POC1B: variants seen among roughly 807,000 people sequenced by gnomAD.
POC1B encodes POC1 centriolar protein homolog B.
POC1B carries 44 observed loss-of-function variants against 60.6 expected under a neutral mutation model. That is an observed-to-expected ratio of 0.73 (90% CI 0.57 to 0.93). The LOEUF is 0.93. Ranked by LOEUF, POC1B falls within the 40% of genes least tolerant of loss-of-function variation. The pLI is 0.00. For synonymous variants in POC1B, 180 were observed against 198.9 expected (o/e 0.90, Z 0.80); for missense variants, 555 against 572.3 (o/e 0.97, Z 0.31).
At chr12:89,467,289 G>T (rs2120832533) in intron 8 of POC1B, among the ~76,000 whole-genome samples, 1 of 152,158 alleles carries the variant, frequency 6.6e-6, no homozygotes. Context: ...GTATATAAAT[G>T]ATTTATATTT....
downstream of POC1B, among the ~76,000 whole-genome samples, chr12:89,414,736 A>G (rs1422918396): frequency 6.6e-6 from 1 of 152,122 alleles, no homozygotes; most frequent in Non-Finnish European, 1.5e-5. Flanking sequence ...AGATTTGTCA[A>G]TAACCCTCAA....
intron 3 of POC1B, among the ~76,000 whole-genome samples, chr12:89,496,734 C>T (rs887039929): frequency 3.3e-5 from 5 of 151,894 alleles, no homozygotes; most frequent in African/African-American, 9.7e-5. Flanking sequence ...TTCTGGACCC[C>T]GATAATGAGT....
chr12:89,522,945 T>G lies in POC1B; in HGVS notation c.100+2175A>C. 3 of 1,614,106 alleles carry G rather than the reference T, an allele frequency of 1.9e-6. No individual in the cohort carries two copies. In the East Asian group the frequency reaches 6.7e-5, roughly 36 times the overall value. ...AGTGTGGGTGAAAAATAGTTCCATCTTCTTTAAAATGCCAAATAATGTTTG... is the reference window on the plus strand; with the variant it reads ...AGTGTGGGTGAAAAATAGTTCCATCGTCTTTAAAATGCCAAATAATGTTTG... On this transcript the variant is annotated intron_variant, in intron 2 of 11. Transcript: ENST00000313546.
At chr12:89,434,380 ACTGT>A (rs1881163742) in intron 10 of POC1B, among the ~76,000 whole-genome samples, 1 of 152,228 alleles carries the variant, frequency 6.6e-6, no homozygotes, top group Non-Finnish European at 1.5e-5. Flanking sequence ...CTACAAGTCT[ACTGT>A]CTGTCTTTGT....
chr12:89,445,810 G>A (rs1285273498), intron 10 of POC1B, among the ~76,000 whole-genome samples: 1 of 152,146 alleles, frequency 6.6e-6, no homozygotes, highest in African/African-American at 2.4e-5. Context: ...TACCATCAGA[G>A]TGAACAGGCA....
rs1235154560 is a variant in POC1B at position 89,471,515 on chromosome 12, G to C, written c.676+99C>G. 3 of 904,088 alleles carry C rather than the reference G, an allele frequency of 3.3e-6. No individual in the cohort carries two copies. The Admixed American group carries it at 6.5e-5, about 20-fold the overall frequency. The allele number at this position is 904,088 out of a possible 1,614,324, so 56.0% of individuals were successfully genotyped here. On this transcript the variant is annotated intron_variant, in intron 6 of 11. Coordinates refer to ENST00000313546, the MANE Select transcript of POC1B (RefSeq NM_172240.3). Reference sequence around the variant, plus strand: ...TCTAGCCTGTTCCAAGGCAGCCCATGACCCCAAGTAAGACAGCCAAACCAC... The same window carrying C: ...TCTAGCCTGTTCCAAGGCAGCCCATCACCCCAAGTAAGACAGCCAAACCAC...
At chr12:89,504,169 G>A (rs1419765507) in intron 2 of POC1B, among the ~76,000 whole-genome samples, 1 of 152,276 alleles carries the variant, frequency 6.6e-6, no homozygotes, top group African/African-American at 2.4e-5. Context: ...TAGAAAAGGG[G>A]GAAATGTGGG....
intron 2 of POC1B, chr12:89,524,844 T>C: frequency 1.6e-6 from 1 of 609,998 alleles, no homozygotes; most frequent in Non-Finnish European, 2.9e-6. Context: ...ACCCCTCCCC[T>C]TCCCACTCAC....
At chr12:89,402,309 T>A in the POC1B span, among the ~76,000 whole-genome samples, 1 of 151,014 alleles carries the variant, frequency 6.6e-6, no homozygotes, top group East Asian at 1.9e-4. Context: ...TTTAATTAAT[T>A]CCTATATGAC....
chr12:89,439,588 GTTTTA>G (rs1881425656), intron 10 of POC1B, among the ~76,000 whole-genome samples: 2 of 152,120 alleles, frequency 1.3e-5, no homozygotes, highest in Admixed American at 6.5e-5. Flanking sequence ...GAGTAGCAAA[GTTTTA>G]TTTTATTTTG....
chr12:89,437,622 CTTTA>C (rs1341017403), intron 10 of POC1B, among the ~76,000 whole-genome samples: 1 of 146,998 alleles, frequency 6.8e-6, no homozygotes, highest in Non-Finnish European at 1.5e-5. Flanking sequence ...CATATAGTTT[CTTTA>C]TTTAAACACT....
intron 1 of POC1B, 151 bp downstream of exon 1, chr12:89,525,730 G>A: frequency 7.8e-7 from 1 of 1,281,756 alleles, no homozygotes; most frequent in South Asian, 2.1e-5. Flanking sequence ...CAGAGAGTGA[G>A]ATACGGACGC....
At chr12:89,447,365 GA>G (rs1188240785) in intron 10 of POC1B, among the ~76,000 whole-genome samples, 1 of 152,018 alleles carries the variant, frequency 6.6e-6, no homozygotes, top group Non-Finnish European at 1.5e-5. Context: ...GTGATTTCTA[GA>G]AAAGGAAAGA....
intron 9 of POC1B, among the ~76,000 whole-genome samples, chr12:89,464,488 T>TTG (rs1882602418): frequency 7.2e-6 from 1 of 139,856 alleles, no homozygotes; most frequent in Non-Finnish European, 1.5e-5. Flanking sequence ...TAAGAGTTTT[T>TTG]TTTTTTTTTT....
At chr12:89,441,512 G>A (rs568809037) in intron 10 of POC1B, among the ~76,000 whole-genome samples, 1 of 152,306 alleles carries the variant, frequency 6.6e-6, no homozygotes, top group East Asian at 1.9e-4. Context: ...AGGGTCGGGA[G>A]TGGACCTCCA....
chr12:89,424,857 C>T (rs1880691600), intron 11 of POC1B, among the ~76,000 whole-genome samples: 1 of 152,152 alleles, frequency 6.6e-6, no homozygotes. Flanking sequence ...AAACTATAAA[C>T]ATTAGCAATA....
intron 10 of POC1B, among the ~76,000 whole-genome samples, chr12:89,445,949 A>G (rs10858861): frequency 0.19 from 29,178 of 152,160 alleles, 3,221 homozygotes; most frequent in South Asian, 0.36. Context: ...CAAAGGATAT[A>G]AACAGACACT....
At chr12:89,435,951 G>GTT (rs1196561616) in intron 10 of POC1B, among the ~76,000 whole-genome samples, 2 of 142,232 alleles carry the variant, frequency 1.4e-5, no homozygotes, top group African/African-American at 5.2e-5. Context: ...TTGTTTGTTT[G>GTT]TTTTTTTTTT....
chr12:89,521,587 G>C lies in POC1B; in HGVS notation c.100+3533C>G, dbSNP rs186930561. ...CAATCAGCATTTCAGAGCTGGAAGG[G>C]ATCTTTAAGATCCAATCCAGCACCC... is the stretch of plus-strand genomic sequence containing the variant. On this transcript the variant is annotated intron_variant, in intron 2 of 11. Coordinates refer to ENST00000313546, the MANE Select transcript of POC1B (RefSeq NM_172240.3). 5 of 160,564 alleles carry C rather than the reference G, an allele frequency of 3.1e-5. No individual in the cohort carries two copies. The East Asian group carries it at 7.2e-4, about 23-fold the overall frequency. 9.9% of individuals were successfully genotyped at this position (160,564 alleles called of 1,614,324 possible).
Sources: gnomAD v4.1 joint callset for allele counts (sites outside exome capture counted in the v4.1 genomes callset) on GRCh38, gnomAD v4.1.1 for gene constraint, MANE v1.5 for transcripts, NCBI Gene and HGNC (gene_info 2026-07-23, HGNC 2026-07-21) for gene names.